DLC1: variants seen among roughly 807,000 people sequenced by gnomAD.
DLC1 encodes DLC1 Rho GTPase activating protein.
DLC1 carries 54 observed loss-of-function variants against 140.3 expected under a neutral mutation model. The observed-to-expected ratio is 0.38, with a 90% CI of 0.31 to 0.48. DLC1 has a LOEUF of 0.48. Among genes scored for constraint, DLC1 ranks in the 20% least tolerant of loss-of-function variants. The pLI is 0.96. For synonymous variants in DLC1, 986 were observed against 728.1 expected, an observed-to-expected ratio of 1.35 and a Z score of -5.70; for missense variants, 2,536 against 1,907.0, an observed-to-expected ratio of 1.33 and a Z score of -6.14.
chr8:13,333,816 G>T (rs1833700952), intron 4 of DLC1, among the ~76,000 whole-genome samples: 1 of 151,994 alleles, frequency 6.6e-6, no homozygotes, highest in South Asian at 2.1e-4. Flanking sequence ...ATTTTATGAG[G>T]CTTCACAATA....
At chr8:13,256,916 T>C (rs1265314806) in intron 5 of DLC1, among the ~76,000 whole-genome samples, 3 of 150,702 alleles carry the variant, frequency 2.0e-5, no homozygotes, top group Non-Finnish European at 3.0e-5. Context: ...GGCAGGATCT[T>C]GGGAGATACG....
At chr8:13,393,908 G>A (rs1002996757) in intron 3 of DLC1, among the ~76,000 whole-genome samples, 5 of 152,202 alleles carry the variant, frequency 3.3e-5, no homozygotes, top group African/African-American at 1.2e-4. Context: ...ACTTGAGAAA[G>A]AGGTAACATA....
intron 5 of DLC1, among the ~76,000 whole-genome samples, chr8:13,179,860 C>T (rs1825944858): frequency 6.6e-6 from 1 of 152,048 alleles, no homozygotes; most frequent in African/African-American, 2.4e-5. Context: ...TAAATCTATG[C>T]TGGGGAGATC....
At chr8:13,105,648 G>A (rs1027852485) in intron 7 of DLC1, among the ~76,000 whole-genome samples, 2 of 151,110 alleles carry the variant, frequency 1.3e-5, no homozygotes, top group Admixed American at 1.3e-4. Context: ...GAGTGCAGTG[G>A]CTCACTGCAA....
intron 5 of DLC1, among the ~76,000 whole-genome samples, chr8:13,268,616 C>T (rs1439136288): frequency 6.6e-6 from 1 of 152,116 alleles, no homozygotes; most frequent in Non-Finnish European, 1.5e-5. Context: ...CTCATGGCTT[C>T]AAGTGATCCT....
At chr8:13,230,351 C>A (rs780450493) in intron 5 of DLC1, among the ~76,000 whole-genome samples, 5 of 152,148 alleles carry the variant, frequency 3.3e-5, no homozygotes, top group Non-Finnish European at 7.4e-5. Context: ...CAGCAATTTG[C>A]TTTTGCTAGT....
chr8:13,131,516 G>C (rs1190003722), intron 5 of DLC1, among the ~76,000 whole-genome samples: 1 of 152,118 alleles, frequency 6.6e-6, no homozygotes, highest in Admixed American at 6.5e-5. Flanking sequence ...CATCCATATT[G>C]GGTGTAAAAA....
chr8:13,567,750 G>C, intron 1 of DLC1: 4 of 1,552,016 alleles, frequency 2.6e-6, no homozygotes, highest in Non-Finnish European at 3.5e-6. Context: ...ACTTTCCCAG[G>C]CTTTCAGATG....
chr8:13,450,159 A>G (rs1798972615), intron 2 of DLC1, among the ~76,000 whole-genome samples: 1 of 152,120 alleles, frequency 6.6e-6, no homozygotes, highest in Non-Finnish European at 1.5e-5. Context: ...TAATTATTTT[A>G]AAGAACCAAG....
chr8:13,579,155 C>T (rs999538237), intron 1 of DLC1, among the ~76,000 whole-genome samples: 4 of 144,556 alleles, frequency 2.8e-5, no homozygotes, highest in Admixed American at 1.4e-4. Flanking sequence ...GTGCCAGAAA[C>T]CAGGGGTCAA....
intron 5 of DLC1, among the ~76,000 whole-genome samples, chr8:13,156,042 C>T (rs1339621434): frequency 6.6e-6 from 1 of 152,058 alleles, no homozygotes; most frequent in African/African-American, 2.4e-5. Flanking sequence ...AAATTGGAGA[C>T]AAATGTGACA....
intron 1 of DLC1, among the ~76,000 whole-genome samples, chr8:13,576,650 A>G (rs35817593): frequency 0.39 from 59,828 of 151,954 alleles, 12,000 homozygotes; most frequent in East Asian, 0.51. Flanking sequence ...GCCTTGTCCT[A>G]TGTGCAGAGA....
chr8:13,166,678 A>G (rs1185196944), intron 5 of DLC1, among the ~76,000 whole-genome samples: 8 of 152,182 alleles, frequency 5.3e-5, no homozygotes, highest in Admixed American at 4.6e-4. Flanking sequence ...GAATAAGTCA[A>G]ACTTACCTAA....
chr8:13,209,678 T>G (rs1270755687), intron 5 of DLC1, among the ~76,000 whole-genome samples: 1 of 152,100 alleles, frequency 6.6e-6, no homozygotes, highest in African/African-American at 2.4e-5. Flanking sequence ...GTCCTCGTGA[T>G]AGTCAATGAG....
chr8:13,339,585 T>C (rs1230336747), intron 4 of DLC1: 1 of 152,218 alleles, frequency 6.6e-6, no homozygotes, highest in East Asian at 1.9e-4. Flanking sequence ...CCTGTCATTA[T>C]GTCGCCTGTT....
chr8:13,086,034 C>T, intron 17 of DLC1, 103 bp from the exon 18 acceptor site: 1 of 1,508,664 alleles, frequency 6.6e-7, no homozygotes, highest in Non-Finnish European at 8.9e-7. Flanking sequence ...TAAAATCTAT[C>T]ATTTCCCATG....
rs551833263 is a variant in DLC1, at chr8:13,559,832, A to G, written c.-126+44705T>C. Among the ~76,000 whole-genome samples, 13 of 152,348 alleles carry G rather than the reference A, an allele frequency of 8.5e-5. 1 individual carries two copies. The South Asian group carries it at 2.3e-3, about 27-fold the overall frequency. ...TCTGTGCTATGAAAGGAAACACATTATATTTAGAATCTCATTTATATTCAT... is the reference window on the plus strand; with the variant it reads ...TCTGTGCTATGAAAGGAAACACATTGTATTTAGAATCTCATTTATATTCAT... On this transcript the variant is annotated intron_variant, in intron 1 of 1. Coordinates refer to the DLC1 transcript ENST00000631382.
chr8:13,265,221 T>G (rs1830636558), intron 5 of DLC1, among the ~76,000 whole-genome samples: 1 of 152,200 alleles, frequency 6.6e-6, no homozygotes, highest in Non-Finnish European at 1.5e-5. Context: ...ACTGAAATAT[T>G]TTTAAGTTTG....
intron 1 of DLC1, among the ~76,000 whole-genome samples, chr8:13,549,960 G>T (rs754482433): frequency 1.3e-5 from 2 of 152,088 alleles, no homozygotes; most frequent in Non-Finnish European, 2.9e-5. Context: ...GGAAATATTT[G>T]TTGTGCTTAT....
Sources: gnomAD v4.1 joint callset for allele counts (sites outside exome capture counted in the v4.1 genomes callset) on GRCh38, gnomAD v4.1.1 for gene constraint, MANE v1.5 for transcripts, NCBI Gene and HGNC (gene_info 2026-07-23, HGNC 2026-07-21) for gene names.